The following THRB variants were observed in gnomAD, a reference collection of about 807,000 sequenced individuals.
THRB encodes the protein nuclear receptor subfamily 1 group A member 2.
In THRB, 12 loss-of-function variants were observed where a neutral mutation model predicts 47.8. That is an observed-to-expected ratio of 0.25 (90% CI 0.16 to 0.41). The LOEUF (loss-of-function observed/expected upper bound fraction) is 0.41. Among genes scored for constraint, THRB ranks in the 10% least tolerant of loss-of-function variants. THRB has a pLI of 1.00. For synonymous variants in THRB, 218 were observed against 212.2 expected (o/e 1.03, Z -0.24); for missense variants, 348 against 589.2 (o/e 0.59, Z 4.24).
chr3:24,443,358 T>C (rs1192357013), intron 1 of THRB, among the ~76,000 whole-genome samples: 2 of 152,046 alleles, frequency 1.3e-5, no homozygotes, highest in African/African-American at 4.8e-5. Context: ...ATTATCTGGT[T>C]CAAAAAATAA....
At chr3:24,361,960 C>G (rs2064105585) in intron 1 of THRB, among the ~76,000 whole-genome samples, 1 of 152,094 alleles carries the variant, frequency 6.6e-6, no homozygotes, top group Admixed American at 6.6e-5. Flanking sequence ...AAAAGAGAGT[C>G]AGTATCAATA....
intron 8 of THRB, among the ~76,000 whole-genome samples, chr3:24,134,109 C>G (rs763391733): frequency 6.6e-6 from 1 of 152,194 alleles, no homozygotes; most frequent in African/African-American, 2.4e-5. Flanking sequence ...CAGTTCTCTG[C>G]TGTTTACTTG....
At chr3:24,432,869 A>G (rs777250126) in intron 1 of THRB, among the ~76,000 whole-genome samples, 10 of 151,964 alleles carry the variant, frequency 6.6e-5, no homozygotes, top group Non-Finnish European at 1.3e-4. Flanking sequence ...CAGTCCAACA[A>G]TTTCCTAGAG....
intron 1 of THRB, among the ~76,000 whole-genome samples, chr3:24,414,725 TATTCTGGAG>T (rs1455412803): frequency 6.6e-6 from 1 of 151,856 alleles, no homozygotes; most frequent in South Asian, 2.1e-4. Flanking sequence ...TCTTCAGCTG[TATTCTGGAG>T]AGAGATGCAT....
intron 5 of THRB, among the ~76,000 whole-genome samples, chr3:24,175,230 G>A (rs2040987570): frequency 6.6e-6 from 1 of 152,164 alleles, no homozygotes; most frequent in South Asian, 2.1e-4. Context: ...TCAAGTAATG[G>A]GTTGTAGGGT....
intron 4 of THRB, among the ~76,000 whole-genome samples, chr3:24,196,841 T>C (rs1310435326): frequency 1.3e-5 from 2 of 152,236 alleles, no homozygotes; most frequent in African/African-American, 4.8e-5. Flanking sequence ...TCTGGCTTGA[T>C]TAGCTTGGTA....
At chr3:24,275,492 GT>G (rs985271306) in intron 3 of THRB, among the ~76,000 whole-genome samples, 1 of 152,092 alleles carries the variant, frequency 6.6e-6, no homozygotes, top group Non-Finnish European at 1.5e-5. Context: ...AACTTTGACA[GT>G]TTTCTTCTAA....
chr3:24,181,400 A>C (rs530994146), intron 5 of THRB, among the ~76,000 whole-genome samples: 1 of 152,362 alleles, frequency 6.6e-6, no homozygotes, highest in Non-Finnish European at 1.5e-5. Flanking sequence ...CAAAGCCAAG[A>C]ACCAATGGTC....
At chr3:24,311,107 C>A (rs1456849078) in intron 2 of THRB, among the ~76,000 whole-genome samples, 3 of 152,070 alleles carry the variant, frequency 2.0e-5, no homozygotes, top group Non-Finnish European at 4.4e-5. Context: ...CACTTACTCA[C>A]CCAAAATGTA....
intron 4 of THRB, among the ~76,000 whole-genome samples, chr3:24,219,902 TCCTTAACA>T (rs1267755663): frequency 6.6e-6 from 1 of 152,224 alleles, no homozygotes; most frequent in Non-Finnish European, 1.5e-5. Context: ...AACAGCTCTT[TCCTTAACA>T]CCAGATGCGT....
intron 3 of THRB, among the ~76,000 whole-genome samples, chr3:24,265,539 T>TA: frequency 6.6e-6 from 1 of 152,328 alleles, no homozygotes; most frequent in African/African-American, 2.4e-5. Flanking sequence ...TATCTACTTA[T>TA]ATGGTACTGT....
intron 1 of THRB, chr3:24,458,221 T>A (rs1284631072): frequency 6.6e-6 from 1 of 152,166 alleles, no homozygotes; most frequent in Admixed American, 6.5e-5. Context: ...CATTTCTTGT[T>A]CCTAGGAGTT....
At position 24,480,235 on chromosome 3, in the gene THRB, A is replaced by G. The variant is rs1294376835; in HGVS notation, c.-261+14417T>C. On this transcript the variant is annotated intron_variant, in intron 1 of 10. Coordinates refer to ENST00000646209, the MANE Select transcript of THRB (RefSeq NM_001354712.2). ...AACTGATGGTCAGTCTTTTGAAAGA[A>G]TATTGCACTGGAAAGCACATGATCC... Among the ~76,000 whole-genome samples the G allele has an allele frequency of 2.0e-5, 3 of 152,208 alleles. No homozygotes were observed. In the South Asian group the frequency reaches 6.2e-4, roughly 32 times the overall value.
chr3:24,179,591 C>T (rs1310249906), intron 5 of THRB, among the ~76,000 whole-genome samples: 1 of 152,154 alleles, frequency 6.6e-6, no homozygotes, highest in Non-Finnish European at 1.5e-5. Flanking sequence ...GCCTGAGGAG[C>T]TCTTCCAAGA....
intron 3 of THRB, among the ~76,000 whole-genome samples, chr3:24,262,239 C>A (rs1322256850): frequency 6.6e-6 from 1 of 152,210 alleles, no homozygotes; most frequent in Non-Finnish European, 1.5e-5. Flanking sequence ...AACATTCTTT[C>A]TACCTCCATC....
intron 3 of THRB, among the ~76,000 whole-genome samples, chr3:24,261,629 GCCTTT>G (rs2052042436): frequency 6.6e-6 from 1 of 151,126 alleles, no homozygotes; most frequent in Non-Finnish European, 1.5e-5. Flanking sequence ...TTTCTTTCCT[GCCTTT>G]TTCTCTGAAA....
intron 1 of THRB, among the ~76,000 whole-genome samples, chr3:24,492,418 C>T (rs1013567431): frequency 2.6e-5 from 4 of 152,076 alleles, no homozygotes; most frequent in African/African-American, 4.8e-5. Flanking sequence ...AATGAGGGAC[C>T]GCCTTTGCTC....
At chr3:24,381,564 A>T (rs1301609657) in intron 1 of THRB, among the ~76,000 whole-genome samples, 1 of 152,188 alleles carries the variant, frequency 6.6e-6, no homozygotes, top group Non-Finnish European at 1.5e-5. Flanking sequence ...ATCAAAAGCA[A>T]ATGTTTCAAA....
At chr3:24,318,599 G>A (rs952413631) in intron 2 of THRB, 5 of 152,192 alleles carry the variant, frequency 3.3e-5, no homozygotes, top group Non-Finnish European at 7.3e-5. Context: ...CAAAAAAGAG[G>A]GGGACTGTGT....
Sources: gnomAD v4.1 joint callset for allele counts (sites outside exome capture counted in the v4.1 genomes callset) on GRCh38, gnomAD v4.1.1 for gene constraint, MANE v1.5 for transcripts, NCBI Gene and HGNC (gene_info 2026-07-23, HGNC 2026-07-21) for gene names.